The following DGKB variants were observed in gnomAD, a reference collection of about 807,000 sequenced individuals.
DGKB encodes the protein 90 kDa diacylglycerol kinase.
Under a neutral mutation model 114.3 loss-of-function variants are expected in DGKB, and 67 were observed. The ratio of observed to expected loss-of-function variants is 0.59; its 90% confidence interval spans 0.48 to 0.72. The LOEUF (loss-of-function observed/expected upper bound fraction) is 0.72, where lower values mean the gene tolerates loss of function less well. Ranked by LOEUF, DGKB falls within the 30% of genes least tolerant of loss-of-function variation. DGKB has a pLI of 0.00. For missense variants in DGKB, 907 were observed against 975.2 expected (o/e 0.93, Z 0.93); for synonymous variants, 398 against 323.1 (o/e 1.23, Z -2.49).
intron 21 of DGKB, among the ~76,000 whole-genome samples, chr7:14,419,138 T>C (rs902033480): frequency 6.6e-6 from 1 of 151,922 alleles, no homozygotes; most frequent in Non-Finnish European, 1.5e-5. Context: ...TACACAATTA[T>C]AATTTATTTT....
chr7:14,556,827 G>A (rs958698158), intron 20 of DGKB, among the ~76,000 whole-genome samples: 3 of 152,068 alleles, frequency 2.0e-5, no homozygotes, highest in Admixed American at 6.6e-5. Context: ...TGATATTGAG[G>A]TTTTCAATCT....
rs781569705 is a variant in DGKB at position 14,265,318 on chromosome 7, C to CTTTT, written c.2122+73193_2122+73196dup. Among the ~76,000 whole-genome samples, 309 of 67,668 alleles carry CTTTT rather than the reference C, an allele frequency of 4.6e-3. 1 individual carries two copies. Among genetic ancestry groups the CTTTT allele is most frequent in the Non-Finnish European group, 6.1e-3 (243 of 40,150 alleles). 44.4% of individuals were successfully genotyped at this position (67,668 alleles called of 152,430 possible). A position where few individuals can be genotyped will look rare whatever the true frequency, so the allele number is the denominator to read the frequency against. On this transcript the variant is annotated intron_variant, in intron 23 of 25. Coordinates refer to ENST00000402815, the MANE Select transcript of DGKB (RefSeq NM_001350709.2). The stretch of plus-strand genomic sequence containing the variant: ...GGACTGCTGTCTTTTCTCTTGCATT[C>CTTTT]TTTTTTTTTTTTTTTTTTTTGCTTA...
chr7:14,820,784 C>G (rs189163357), intron 2 of DGKB, among the ~76,000 whole-genome samples: 1 of 152,208 alleles, frequency 6.6e-6, no homozygotes, highest in Non-Finnish European at 1.5e-5. Context: ...ACTATGTTAA[C>G]CCAAAATTAA....
At chr7:14,559,687 A>C (rs886768084) in intron 20 of DGKB, among the ~76,000 whole-genome samples, 3 of 152,202 alleles carry the variant, frequency 2.0e-5, no homozygotes, top group African/African-American at 7.2e-5. Flanking sequence ...AAAATAAAAT[A>C]TTTAGCAGTT....
intron 13 of DGKB, among the ~76,000 whole-genome samples, chr7:14,633,715 C>A (rs949796531): frequency 2.6e-5 from 4 of 151,568 alleles, no homozygotes; most frequent in African/African-American, 9.7e-5. Context: ...AGAATTAATA[C>A]AGAAACTGTA....
chr7:14,832,116 C>A (rs555260700), intron 2 of DGKB, among the ~76,000 whole-genome samples: 22 of 151,932 alleles, frequency 1.4e-4, no homozygotes, highest in African/African-American at 5.3e-4. Flanking sequence ...GGTCTTATAA[C>A]GACCTTTGAA....
chr7:14,679,127 T>G (rs1373879692), intron 12 of DGKB, among the ~76,000 whole-genome samples: 1 of 151,972 alleles, frequency 6.6e-6, no homozygotes, highest in Non-Finnish European at 1.5e-5. Flanking sequence ...TGGACAACTA[T>G]CCATCCTTCT....
At chr7:14,663,421 A>G (rs753773801) in intron 13 of DGKB, among the ~76,000 whole-genome samples, 4 of 151,934 alleles carry the variant, frequency 2.6e-5, no homozygotes, top group Non-Finnish European at 5.9e-5. Context: ...ATCTATATCA[A>G]TTCTTTTTAT....
chr7:14,188,378 T>G (rs1783763247), intron 23 of DGKB, among the ~76,000 whole-genome samples: 1 of 149,720 alleles, frequency 6.7e-6, no homozygotes, highest in South Asian at 2.1e-4. Flanking sequence ...GATCCCCAAT[T>G]GGCCGGGCGC....
intron 23 of DGKB, among the ~76,000 whole-genome samples, chr7:14,240,903 T>C (rs10252549): frequency 0.51 from 77,496 of 151,980 alleles, 20,612 homozygotes; most frequent in African/African-American, 0.67. Flanking sequence ...ATTGAATTTG[T>C]AGAATCTGTT....
At chr7:14,189,061 A>T (rs1783915291) in intron 23 of DGKB, among the ~76,000 whole-genome samples, 1 of 152,190 alleles carries the variant, frequency 6.6e-6, no homozygotes, top group African/African-American at 2.4e-5. Flanking sequence ...AAACAAAAGG[A>T]CCATAATTAC....
At chr7:14,313,238 C>T (rs1005330477) in intron 23 of DGKB, among the ~76,000 whole-genome samples, 1 of 152,068 alleles carries the variant, frequency 6.6e-6, no homozygotes, top group African/African-American at 2.4e-5. Context: ...TCTTCATAGA[C>T]TTCAATTAAA....
chr7:14,200,387 T>C (rs1038919475), intron 23 of DGKB, among the ~76,000 whole-genome samples: 3 of 152,014 alleles, frequency 2.0e-5, no homozygotes, highest in Non-Finnish European at 4.4e-5. Flanking sequence ...CTCCTCATTG[T>C]TGAGCATAAT....
rs530315779 is a variant in DGKB, at chr7:14,201,234, G to A, written c.2123-23083C>T. 2.6e-5 allele frequency among the ~76,000 whole-genome samples: 4 copies of A among 151,856 alleles called. No individual in the cohort carries two copies. The South Asian group carries it at 8.3e-4, about 32-fold the overall frequency. On this transcript the variant is annotated intron_variant, in intron 23 of 25. Transcript: ENST00000402815. ...CCTTGTGTGGTCCCTTTTTATACAG[G>A]CATTAATCCCAATTATGATGGCACC...
intron 21 of DGKB, among the ~76,000 whole-genome samples, chr7:14,393,339 A>G (rs867684494): frequency 1.3e-5 from 2 of 152,134 alleles, no homozygotes; most frequent in Non-Finnish European, 2.9e-5. Context: ...TTTGATGACA[A>G]CGAACACCAA....
intron 20 of DGKB, among the ~76,000 whole-genome samples, chr7:14,541,739 T>G (rs1793490946): frequency 6.6e-6 from 1 of 152,192 alleles, no homozygotes; most frequent in African/African-American, 2.4e-5. Flanking sequence ...TACTCCTTAA[T>G]TTTTACTGCT....
intron 23 of DGKB, among the ~76,000 whole-genome samples, chr7:14,261,918 T>C (rs73052106): frequency 0.097 from 14,709 of 152,228 alleles, 728 homozygotes; most frequent in Non-Finnish European, 0.1. Context: ...AATTCTTCCA[T>C]GTACAACTCC....
At chr7:14,610,673 A>G (rs1805383462) in intron 16 of DGKB, among the ~76,000 whole-genome samples, 1 of 152,006 alleles carries the variant, frequency 6.6e-6, no homozygotes, top group Non-Finnish European at 1.5e-5. Flanking sequence ...GTTGTTCTCA[A>G]TACCCTCTTT....
At chr7:14,878,668 G>C (rs145265370) in intron 1 of DGKB, among the ~76,000 whole-genome samples, 1 of 147,728 alleles carries the variant, frequency 6.8e-6, no homozygotes, top group Non-Finnish European at 1.5e-5. Flanking sequence ...AGAATGGCGT[G>C]AACCCGGGAG....
Sources: gnomAD v4.1 joint callset for allele counts (sites outside exome capture counted in the v4.1 genomes callset) on GRCh38, gnomAD v4.1.1 for gene constraint, MANE v1.5 for transcripts, NCBI Gene and HGNC (gene_info 2026-07-23, HGNC 2026-07-21) for gene names.